The following UBL7 variants were observed in gnomAD, a reference collection of about 807,000 sequenced individuals.
The protein encoded by UBL7 is ubiquitin-like protein 7.
UBL7 carries 21 observed loss-of-function variants against 41.7 expected under a neutral mutation model. That is an observed-to-expected ratio of 0.50 (90% CI 0.36 to 0.73). The LOEUF (loss-of-function observed/expected upper bound fraction) is 0.73. Among genes scored for constraint, UBL7 ranks in the 30% least tolerant of loss-of-function variants. The pLI is 0.00. For missense variants in UBL7, 403 were observed against 478.4 expected (o/e 0.84, Z 1.47); for synonymous variants, 157 against 186.9 (o/e 0.84, Z 1.31).
chr15:74,449,038 A>T (rs2061214077), intron 9 of UBL7, 148 bp downstream of exon 9: 5 of 963,520 alleles, frequency 5.2e-6, no homozygotes. Context: ...GAGGTCACTC[A>T]AGCTGCAGTA....
chr15:74,449,424 C>A, intron 8 of UBL7, 71 bp from the exon 9 acceptor site: 2 of 1,576,332 alleles, frequency 1.3e-6, no homozygotes, highest in Non-Finnish European at 8.7e-7. Flanking sequence ...CACCCACCTC[C>A]AGCAATAGTT....
At chr15:74,449,905 G>T (rs770710780) in intron 7 of UBL7, 31 bp downstream of exon 7, 2 of 1,596,814 alleles carry the variant, frequency 1.3e-6, no homozygotes, top group South Asian at 2.3e-5. Context: ...CGGCTCCTGA[G>T]GGGCCCACAT....
intron 3 of UBL7, among the ~76,000 whole-genome samples, chr15:74,454,613 G>A (rs1156690540): frequency 6.6e-6 from 1 of 152,162 alleles, no homozygotes; most frequent in Non-Finnish European, 1.5e-5. Flanking sequence ...GGTCAGGCTT[G>A]TCTCGAACTC....
intron 1 of UBL7, 95 bp from the exon 2 acceptor site, chr15:74,458,991 G>A: frequency 8.1e-7 from 1 of 1,237,642 alleles, no homozygotes; most frequent in East Asian, 2.4e-5. Flanking sequence ...AATTCAATGT[G>A]ACACTGTTGA....
At chr15:74,455,714 G>GA (rs138062704) in intron 3 of UBL7, among the ~76,000 whole-genome samples, 5,758 of 152,276 alleles carry the variant, frequency 0.038, 144 homozygotes, top group East Asian at 0.13. Context: ...AGAAAGTGGA[G>GA]AAACAAGCCA....
chr15:74,451,271 C>A (rs1306269379), intron 5 of UBL7, among the ~76,000 whole-genome samples, 165 bp downstream of exon 5: 1 of 152,176 alleles, frequency 6.6e-6, no homozygotes, highest in Non-Finnish European at 1.5e-5. Flanking sequence ...GGACTGAGAG[C>A]TCTTAAAGGG....
intron 3 of UBL7, 130 bp downstream of exon 3, chr15:74,456,422 G>T (rs1329838063): frequency 4.9e-6 from 6 of 1,236,424 alleles, no homozygotes; most frequent in South Asian, 3.1e-5. Flanking sequence ...AAGTAATAAA[G>T]ATATCATTTA....
At chr15:74,447,426 G>A (rs956530192) in intron 10 of UBL7, among the ~76,000 whole-genome samples, 6 of 152,188 alleles carry the variant, frequency 3.9e-5, no homozygotes, top group East Asian at 1.9e-4. Flanking sequence ...CCATGGGCCA[G>A]GTGTGGTGGC....
At chr15:74,449,132 G>C in intron 9 of UBL7, 54 bp downstream of exon 9, 2 of 1,505,830 alleles carry the variant, frequency 1.3e-6, no homozygotes, top group Non-Finnish European at 1.8e-6. Context: ...TCTACTGCTG[G>C]GGAGCTTGTT....
In UBL7 at chr15:74,451,431, C is replaced by T; in HGVS notation, c.472+5G>A. The T allele has an allele frequency of 6.2e-7, 1 of 1,613,790 alleles. No individual in the cohort carries two copies. Among genetic ancestry groups the T allele is most frequent in the Non-Finnish European group, 8.5e-7 (1 of 1,179,746 alleles). ...CTATTTCCTCAAATTCAGTCCTGCA[C>T]TTACCAAGAGCAATAGGGTCACTGC... On this transcript the variant is annotated splice_donor_5th_base_variant and intron_variant, in intron 5 of 10. Coordinates refer to ENST00000395081, the MANE Select transcript of UBL7 (RefSeq NM_032907.5).
At chr15:74,459,149 G>A (rs1027841611) in intron 1 of UBL7, 70 of 413,200 alleles carry the variant, frequency 1.7e-4, no homozygotes, top group Non-Finnish European at 4.4e-5. Flanking sequence ...GGAATGTTGT[G>A]AGAGAGATCA....
rs368098215 is a variant in UBL7, at chr15:74,449,682, G to A, written c.665-7C>T. 3.3e-5 allele frequency: 53 copies of A among 1,614,020 alleles called. No individual in the cohort carries two copies. In the African/African-American group the frequency reaches 5.3e-4, roughly 16 times the overall value. On this transcript the variant is annotated splice_region_variant and splice_polypyrimidine_tract_variant and intron_variant, in intron 7 of 10. Transcript: ENST00000395081. The stretch of plus-strand genomic sequence containing the variant: ...CCTTCAAACAGGAAGCCACCTGGAG[G>A]AGGACGAACAGATTTCAGGAGGAAG...
chr15:74,449,794 AG>A (rs2061223952), intron 7 of UBL7, 119 bp from the exon 8 acceptor site: 1 of 1,542,588 alleles, frequency 6.5e-7, no homozygotes, highest in African/African-American at 1.4e-5. Flanking sequence ...GGAAAATTAC[AG>A]GACAGATGCA....
At chr15:74,459,835 C>T (rs1413798114) in intron 1 of UBL7, among the ~76,000 whole-genome samples, 1 of 142,840 alleles carries the variant, frequency 7.0e-6, no homozygotes, top group Non-Finnish European at 1.5e-5. Context: ...CGTGGTAGTG[C>T]GCACCTGTAG....
intron 1 of UBL7, among the ~76,000 whole-genome samples, chr15:74,460,023 CTT>C (rs1217987814): frequency 6.8e-6 from 1 of 146,896 alleles, no homozygotes; most frequent in Non-Finnish European, 1.5e-5. Context: ...GGACGGATCA[CTT>C]AAGATCAGGT....
chr15:74,460,793 G>A (rs1162894380), intron 1 of UBL7: 1 of 1,263,746 alleles, frequency 7.9e-7, no homozygotes, highest in Non-Finnish European at 1.0e-6. Context: ...TAGAGAAGAG[G>A]AAAGAAAAGG....
chr15:74,459,086 G>C (rs1279852715), intron 1 of UBL7, 190 bp from the exon 2 acceptor site: 1 of 563,538 alleles, frequency 1.8e-6, no homozygotes, highest in Non-Finnish European at 3.1e-6. Context: ...AGCTCTCTAG[G>C]CCTCAGTTTC....
At position 74,446,012 on chromosome 15, in the gene UBL7, G is replaced by A. The variant is rs2061179067; in HGVS notation, c.*78C>T. Reference sequence around the variant, plus strand: ...CATCAGGTATATTGGGGAAGGGAGAGATGGAGGCACCTTCATGAGTGCCTC... The same window carrying A: ...CATCAGGTATATTGGGGAAGGGAGAAATGGAGGCACCTTCATGAGTGCCTC... On this transcript the variant is annotated 3_prime_UTR_variant, in exon 11 of 11. Transcript: ENST00000395081. This position sits in a 1 kb window ranked among gnomAD's most constrained non-coding sequence, Gnocchi z 4.1. 6.4e-7 allele frequency: 1 copy of A among 1,553,286 alleles called. No individual in the cohort carries two copies. Among genetic ancestry groups the A allele is most frequent in the Non-Finnish European group, 8.7e-7 (1 of 1,145,474 alleles).
intron 1 of UBL7, 199 bp from the exon 2 acceptor site, chr15:74,459,095 T>G: frequency 3.7e-6 from 2 of 547,448 alleles, no homozygotes; most frequent in Non-Finnish European, 6.5e-6. Flanking sequence ...GGCCTCAGTT[T>G]CTTCATCCCT....
Sources: allele counts gnomAD v4.1 joint callset (sites outside exome capture counted in the v4.1 genomes callset), GRCh38; gene constraint gnomAD v4.1.1; non-coding constraint Gnocchi (gnomAD v3.1); transcripts MANE v1.5; gene names NCBI Gene and HGNC (gene_info 2026-07-23, HGNC 2026-07-21).